The following NELL1 variants were observed in gnomAD, a reference collection of about 807,000 sequenced individuals.
NELL1 encodes the protein protein kinase C-binding protein NELL1.
In NELL1, 76 loss-of-function variants were observed where a neutral mutation model predicts 107.4. The ratio of observed to expected loss-of-function variants is 0.71; its 90% CI spans 0.59 to 0.86. NELL1 has a LOEUF of 0.86. Ranked by LOEUF, NELL1 falls within the 40% of genes least tolerant of loss-of-function variation. NELL1 has a pLI of 0.00. For missense variants in NELL1, 1,024 were observed against 1,005.5 expected, an observed-to-expected ratio of 1.02 and a Z score of -0.25; for synonymous variants, 353 against 341.2, an observed-to-expected ratio of 1.03 and a Z score of -0.38.
At chr11:21,378,126 A>T (rs923341416) in intron 15 of NELL1, among the ~76,000 whole-genome samples, 2 of 151,904 alleles carry the variant, frequency 1.3e-5, no homozygotes, top group African/African-American at 4.8e-5. Context: ...AAAGCTTTTA[A>T]AAAGTCTCTA....
rs1246823591 is a variant in NELL1, at chr11:20,847,495, GA to G, written c.336-87del. 7.4e-6 allele frequency: 10 copies of G among 1,350,136 alleles called. No individual in the cohort carries two copies. In the African/African-American group the frequency reaches 1.5e-4, roughly 20 times the overall value. 83.6% of individuals were successfully genotyped at this position (1,350,136 alleles called of 1,614,324 possible). Reference sequence around the variant, plus strand: ...ATGTTTAGCTAATTTTAGATTGTGAGAGACCTGGTAGTAAGGGGTTGAGGGA... The same window carrying G: ...ATGTTTAGCTAATTTTAGATTGTGAGGACCTGGTAGTAAGGGGTTGAGGGA... On this transcript the variant is annotated intron_variant, in intron 3 of 19. Coordinates refer to ENST00000357134, the MANE Select transcript of NELL1 (RefSeq NM_006157.5).
At chr11:20,710,007 T>C (rs1165065153) in intron 2 of NELL1, among the ~76,000 whole-genome samples, 1 of 152,220 alleles carries the variant, frequency 6.6e-6, no homozygotes, top group African/African-American at 2.4e-5. Flanking sequence ...AGCAACAGTT[T>C]GTCTTCCACT....
rs141377454 is a variant in NELL1 at position 21,232,825 on chromosome 11, G to C, written c.1549+3371G>C. On this transcript the variant is annotated intron_variant, in intron 14 of 19. Coordinates refer to ENST00000357134, the MANE Select transcript of NELL1 (RefSeq NM_006157.5). ...GCCCCACCATGCCCAGCTAATTTTTGTATTTTTAATAGAGATGGGGTTTCA... is the reference window on the plus strand; with the variant it reads ...GCCCCACCATGCCCAGCTAATTTTTCTATTTTTAATAGAGATGGGGTTTCA... 3.6e-3 allele frequency among the ~76,000 whole-genome samples: 550 copies of C among 151,982 alleles called. 5 individuals are homozygous for C. The highest frequency in any genetic ancestry group is 0.012 in the African/African-American group (517 of 41,464).
intron 2 of NELL1, among the ~76,000 whole-genome samples, chr11:20,748,099 A>C (rs149093928): frequency 2.6e-5 from 4 of 152,172 alleles, no homozygotes; most frequent in Non-Finnish European, 4.4e-5. Context: ...CCTTCATTCT[A>C]TAGCCAAAAT....
Position 21,295,110 on chromosome 11 carries a change from T to C in NELL1, c.1549+65656T>C, listed in dbSNP as rs77859941. Among the ~76,000 whole-genome samples the C allele has an allele frequency of 1.2e-4, 18 of 152,244 alleles. No homozygotes were observed. The East Asian group carries it at 3.1e-3, about 26-fold the overall frequency. ...TACCATATGTCAGGTATGGTTGTAATTGGTTTACAAATATTAATAAATTTA... is the reference window on the plus strand; with the variant it reads ...TACCATATGTCAGGTATGGTTGTAACTGGTTTACAAATATTAATAAATTTA... On this transcript the variant is annotated intron_variant, in intron 14 of 19. Transcript: ENST00000357134.
At chr11:21,450,633 G>C (rs1244601543) in intron 15 of NELL1, among the ~76,000 whole-genome samples, 1 of 152,094 alleles carries the variant, frequency 6.6e-6, no homozygotes, top group African/African-American at 2.4e-5. Context: ...TGTACATACA[G>C]ATTTCTTCCT....
chr11:21,125,881 C>T (rs920106372), intron 13 of NELL1, among the ~76,000 whole-genome samples: 1 of 152,166 alleles, frequency 6.6e-6, no homozygotes, highest in Non-Finnish European at 1.5e-5. Flanking sequence ...TGGGTTTCTG[C>T]CCCAAGTAGG....
intron 4 of NELL1, among the ~76,000 whole-genome samples, chr11:20,882,833 A>G (rs1564948892): frequency 6.6e-6 from 1 of 151,998 alleles, no homozygotes; most frequent in Non-Finnish European, 1.5e-5. Flanking sequence ...TATAGCTTTT[A>G]TGTCTTTTTA....
chr11:20,752,550 T>C (rs1302194422), intron 2 of NELL1, among the ~76,000 whole-genome samples: 1 of 152,088 alleles, frequency 6.6e-6, no homozygotes, highest in Non-Finnish European at 1.5e-5. Context: ...ACTCCATCTC[T>C]AAATAAATAA....
intron 12 of NELL1, among the ~76,000 whole-genome samples, chr11:21,061,734 A>T (rs1230716729): frequency 1.3e-5 from 2 of 152,150 alleles, no homozygotes; most frequent in Non-Finnish European, 2.9e-5. Context: ...GGTGGTAGAG[A>T]AGCAAAAGTC....
intron 14 of NELL1, among the ~76,000 whole-genome samples, chr11:21,368,741 A>G (rs1851290406): frequency 6.6e-6 from 1 of 152,090 alleles, no homozygotes; most frequent in South Asian, 2.1e-4. Context: ...ATTACATTGT[A>G]TTCTAGTATC....
chr11:20,981,157 T>A (rs1043354968), intron 12 of NELL1, among the ~76,000 whole-genome samples: 2 of 152,184 alleles, frequency 1.3e-5, no homozygotes, highest in Admixed American at 6.5e-5. Context: ...TGCAAGGCAC[T>A]TAAAACTGAA....
intron 4 of NELL1, among the ~76,000 whole-genome samples, chr11:20,863,876 C>A (rs1310729384): frequency 1.3e-5 from 2 of 152,208 alleles, no homozygotes; most frequent in African/African-American, 4.8e-5. Context: ...GAGGCGGAAG[C>A]TGGCGGATCA....
At chr11:20,848,759 A>C (rs2134058964) in intron 4 of NELL1, among the ~76,000 whole-genome samples, 2 of 152,276 alleles carry the variant, frequency 1.3e-5, no homozygotes, top group South Asian at 4.1e-4. Context: ...ATTTCTCATG[A>C]GGAGATGCTT....
In NELL1 at chr11:21,118,565, C is replaced by G. The variant is rs531620183; in HGVS notation, c.1426+4851C>G. ...AATAAATGAGGTGTATGATAGATAT[C>G]TGCCACTATAAAATGTCTTTTCAAA... On this transcript the variant is annotated intron_variant, in intron 13 of 19. Coordinates refer to ENST00000357134, the MANE Select transcript of NELL1 (RefSeq NM_006157.5). 2.6e-5 allele frequency among the ~76,000 whole-genome samples: 4 copies of G among 152,162 alleles called. No homozygotes were observed. The South Asian group carries it at 8.3e-4, about 32-fold the overall frequency.
At chr11:21,363,277 A>G (rs1851127250) in intron 14 of NELL1, among the ~76,000 whole-genome samples, 1 of 152,190 alleles carries the variant, frequency 6.6e-6, no homozygotes, top group South Asian at 2.1e-4. Flanking sequence ...AGTATGTTCA[A>G]GGTACTTCCT....
At chr11:21,261,669 G>A (rs571307000) in intron 14 of NELL1, among the ~76,000 whole-genome samples, 1 of 151,884 alleles carries the variant, frequency 6.6e-6, no homozygotes, top group Admixed American at 6.6e-5. Flanking sequence ...CAAGCAATCT[G>A]CTAATTTTTA....
At chr11:20,752,870 A>G (rs1266930425) in intron 2 of NELL1, among the ~76,000 whole-genome samples, 1 of 152,196 alleles carries the variant, frequency 6.6e-6, no homozygotes, top group Non-Finnish European at 1.5e-5. Flanking sequence ...AAATTACCAT[A>G]ATTTTAAGAT....
chr11:21,511,835 T>A (rs926685559), intron 15 of NELL1, among the ~76,000 whole-genome samples: 3 of 152,140 alleles, frequency 2.0e-5, no homozygotes, highest in Non-Finnish European at 2.9e-5. Flanking sequence ...CTAGATCTTA[T>A]AGGGAGTCAT....
Sources: allele counts gnomAD v4.1 joint callset (sites outside exome capture counted in the v4.1 genomes callset), GRCh38; gene constraint gnomAD v4.1.1; transcripts MANE v1.5; gene names NCBI Gene and HGNC (gene_info 2026-07-23, HGNC 2026-07-21).